DEPTOR: variants seen among roughly 807,000 people sequenced by gnomAD.
DEPTOR encodes DEP domain-containing mTOR-interacting protein.
A neutral mutation model predicts 41.6 loss-of-function variants in DEPTOR; 41 were observed. The ratio of observed to expected loss-of-function variants is 0.98; its 90% CI spans 0.77 to 1.28. The LOEUF is 1.28. Ranked by LOEUF, DEPTOR falls within the 50% of genes most tolerant of loss-of-function variation. DEPTOR has a pLI of 0.00. For synonymous variants in DEPTOR, 195 were observed against 192.3 expected (o/e 1.01, Z -0.12); for missense variants, 514 against 527.9 (o/e 0.97, Z 0.26).
intron 8 of DEPTOR, among the ~76,000 whole-genome samples, chr8:120,040,638 G>T (rs975824419): frequency 1.4e-5 from 2 of 146,170 alleles, no homozygotes; most frequent in African/African-American, 5.3e-5. Context: ...GAGCAATTGC[G>T]CAGTGAAAAA....
chr8:120,007,819 A>G (rs74921253), intron 7 of DEPTOR, among the ~76,000 whole-genome samples: 1,817 of 152,342 alleles, frequency 0.012, 39 homozygotes, highest in African/African-American at 0.04. Context: ...TGAGTATAAT[A>G]TACAAATAAC....
At chr8:119,940,428 A>T (rs767865929) in intron 3 of DEPTOR, among the ~76,000 whole-genome samples, 1 of 152,102 alleles carries the variant, frequency 6.6e-6, no homozygotes, top group Non-Finnish European at 1.5e-5. Context: ...AGCCACATAT[A>T]ATGGAATATT....
chr8:119,925,545 T>A (rs1319705185), intron 1 of DEPTOR, among the ~76,000 whole-genome samples: 2 of 152,008 alleles, frequency 1.3e-5, no homozygotes, highest in African/African-American at 4.8e-5. Flanking sequence ...CCTTGACACA[T>A]GGGGATTATT....
chr8:119,901,547 G>A (rs1827590486), intron 1 of DEPTOR, among the ~76,000 whole-genome samples: 1 of 152,168 alleles, frequency 6.6e-6, no homozygotes. Context: ...GTGGTGGCAT[G>A]TGCCTATAGT....
chr8:120,024,140 G>A (rs2130147154), intron 8 of DEPTOR, among the ~76,000 whole-genome samples: 1 of 152,284 alleles, frequency 6.6e-6, no homozygotes, highest in East Asian at 1.9e-4. Flanking sequence ...GGAAGACTGA[G>A]GCAGGAGAAT....
At chr8:119,994,916 C>CAAA (rs59495312) in intron 4 of DEPTOR, among the ~76,000 whole-genome samples, 1 of 51,878 alleles carries the variant, frequency 1.9e-5, no homozygotes. Flanking sequence ...GACTCTGTCT[C>CAAA]AAAAAAAAAA....
intron 8 of DEPTOR, among the ~76,000 whole-genome samples, chr8:120,015,846 G>A (rs889474118): frequency 6.6e-6 from 1 of 152,074 alleles, no homozygotes; most frequent in Admixed American, 6.6e-5. Context: ...CACGTAGCCC[G>A]AAAAAGCTTG....
At chr8:120,024,573 C>T (rs1812771244) in intron 8 of DEPTOR, among the ~76,000 whole-genome samples, 1 of 152,086 alleles carries the variant, frequency 6.6e-6, no homozygotes, top group African/African-American at 2.4e-5. Context: ...CAGGGACAGA[C>T]ATACTCAGAA....
intron 1 of DEPTOR, among the ~76,000 whole-genome samples, chr8:119,925,665 C>A (rs1827955279): frequency 6.6e-6 from 1 of 152,042 alleles, no homozygotes; most frequent in Non-Finnish European, 1.5e-5. Flanking sequence ...TGCTCTGTTG[C>A]CCAGGCTGGA....
At chr8:119,954,416 G>T (rs1325122507) in intron 3 of DEPTOR, among the ~76,000 whole-genome samples, 1 of 152,160 alleles carries the variant, frequency 6.6e-6, no homozygotes, top group Non-Finnish European at 1.5e-5. Context: ...AAACTGCTGG[G>T]ATTAAGGTGT....
chr8:120,041,368 C>T (rs553416509), intron 8 of DEPTOR, among the ~76,000 whole-genome samples: 3 of 152,098 alleles, frequency 2.0e-5, no homozygotes, highest in Non-Finnish European at 2.9e-5. Context: ...CCAGGACTGG[C>T]GCAGGGAGAG....
At chr8:119,991,082 CTT>C (rs1563584647) in intron 4 of DEPTOR, among the ~76,000 whole-genome samples, 2 of 72,472 alleles carry the variant, frequency 2.8e-5, no homozygotes, top group Non-Finnish European at 5.7e-5. Flanking sequence ...TTCTTTCTTT[CTT>C]TCTTTTTCTT....
intron 1 of DEPTOR, among the ~76,000 whole-genome samples, chr8:119,907,079 G>C (rs1344923088): frequency 6.6e-6 from 1 of 152,090 alleles, no homozygotes; most frequent in Admixed American, 6.6e-5. Flanking sequence ...AACACCAAAA[G>C]CATATTTTTC....
intron 8 of DEPTOR, among the ~76,000 whole-genome samples, chr8:120,041,817 G>A (rs568588995): frequency 9.2e-5 from 14 of 152,222 alleles, no homozygotes; most frequent in Admixed American, 2.0e-4. Flanking sequence ...GATTACAGGC[G>A]TGAGCCACTG....
chr8:120,014,918 T>A (rs987797188), intron 8 of DEPTOR, among the ~76,000 whole-genome samples: 5 of 151,758 alleles, frequency 3.3e-5, no homozygotes, highest in African/African-American at 4.8e-5. Flanking sequence ...CTTTTTTTTT[T>A]AATCACATCA....
rs201152520 is a variant in DEPTOR at position 119,889,248 on chromosome 8, T to TG, written c.122+15280_122+15281insG. Among the ~76,000 whole-genome samples the TG allele has an allele frequency of 7.4e-3, 1,123 of 151,840 alleles. 9 individuals carry two copies. Among genetic ancestry groups the TG allele is most frequent in the African/African-American group, 0.025 (1,027 of 41,412 alleles). On this transcript the variant is annotated intron_variant, in intron 1 of 8. Transcript: ENST00000286234. The stretch of plus-strand genomic sequence containing the variant: ...TCTAACACAAGGGAAGATAACTGTC[T>TG]TAGAAACTTCCACAGAAGCTGGGTG...
At position 120,049,895 on chromosome 8, in the gene DEPTOR, A is replaced by T. The variant is rs1813210677; in HGVS notation, c.*191A>T. 1 of 588,306 alleles carries T rather than the reference A, an allele frequency of 1.7e-6. No individual in the cohort carries two copies. Among genetic ancestry groups the T allele is most frequent in the Non-Finnish European group, 2.6e-6 (1 of 388,150 alleles). 36.4% of individuals were successfully genotyped at this position (588,306 alleles called of 1,614,324 possible). A position where few individuals can be genotyped will look rare whatever the true frequency, so the allele number is the denominator to read the frequency against. On this transcript the variant is annotated 3_prime_UTR_variant, in exon 9 of 9. Transcript: ENST00000286234. Reference sequence around the variant, plus strand: ...ACCGGGTATCATATCTTTTTTAAAAAATGTCAGTGTAGAAAACATTTGGGA... The same window carrying T: ...ACCGGGTATCATATCTTTTTTAAAATATGTCAGTGTAGAAAACATTTGGGA...
intron 8 of DEPTOR, among the ~76,000 whole-genome samples, chr8:120,041,087 T>G (rs1196067505): frequency 6.6e-6 from 1 of 152,164 alleles, no homozygotes; most frequent in Non-Finnish European, 1.5e-5. Context: ...CTTCAATCCT[T>G]CATTCTCCTT....
At chr8:120,014,867 C>A (rs570756621) in intron 8 of DEPTOR, among the ~76,000 whole-genome samples, 2 of 151,450 alleles carry the variant, frequency 1.3e-5, no homozygotes, top group Admixed American at 1.3e-4. Flanking sequence ...ATTGTGTAAA[C>A]GTTAACGTTG....
Sources: gnomAD v4.1 joint callset for allele counts (sites outside exome capture counted in the v4.1 genomes callset) on GRCh38, gnomAD v4.1.1 for gene constraint, MANE v1.5 for transcripts, NCBI Gene and HGNC (gene_info 2026-07-23, HGNC 2026-07-21) for gene names.